The following ATRX variants were observed in gnomAD, a reference collection of about 807,000 sequenced individuals.
The protein encoded by ATRX is chromatin remodeler ATRX.
ATRX carries 12 observed loss-of-function variants against 172.6 expected under a neutral mutation model. That is an observed-to-expected ratio of 0.07 (90% CI 0.04 to 0.11). ATRX has a LOEUF of 0.11. Ranked by LOEUF, ATRX falls within the 10% of genes least tolerant of loss-of-function variation. The pLI, the probability that ATRX is intolerant of heterozygous loss-of-function variation, is 1.00. For missense variants in ATRX, 1,368 were observed against 1,767.4 expected (o/e 0.77, Z 4.05); for synonymous variants, 674 against 594.7 (o/e 1.13, Z -1.94).
At chrX:77,536,971 T>C (rs1187216473) in intron 30 of ATRX, among the ~76,000 whole-genome samples, 1 of 112,088 alleles carries the variant, frequency 8.9e-6, no homozygotes, top group Non-Finnish European at 1.9e-5. Context: ...TCTGCAACGA[T>C]GGAAATGTTC....
intron 30 of ATRX, among the ~76,000 whole-genome samples, chrX:77,529,481 G>A (rs1467509599): frequency 5.4e-5 from 6 of 111,309 alleles, no homozygotes; most frequent in Admixed American, 2.9e-4. Flanking sequence ...CCTGTAAGCC[G>A]GAAGAGATTA....
chrX:77,514,985 G>A (rs963307581), intron 34 of ATRX, among the ~76,000 whole-genome samples: 6 of 112,074 alleles, frequency 5.4e-5, no homozygotes, highest in Non-Finnish European at 9.4e-5. Flanking sequence ...AAACACACAC[G>A]TGGCCAACAA....
chrX:77,769,475 G>C (rs2076084157), intron 1 of ATRX, among the ~76,000 whole-genome samples: 1 of 110,269 alleles, frequency 9.1e-6, no homozygotes, highest in Non-Finnish European at 1.9e-5. Context: ...TTTTAGTAGA[G>C]ACAGGGTTTC....
chrX:77,660,696 G>T (rs1177250891), intron 12 of ATRX, among the ~76,000 whole-genome samples: 1 of 111,236 alleles, frequency 9.0e-6, no homozygotes, highest in Non-Finnish European at 1.9e-5. Flanking sequence ...CATATTAATT[G>T]TATATGTGTG....
chrX:77,611,648 G>C (rs2067156871), intron 22 of ATRX, among the ~76,000 whole-genome samples: 1 of 111,043 alleles, frequency 9.0e-6, no homozygotes, highest in Non-Finnish European at 1.9e-5. Context: ...CTTGAGCCCA[G>C]AAGTTCAAGA....
intron 24 of ATRX, 25 bp downstream of exon 24, chrX:77,599,707 T>C (rs368272486): frequency 7.5e-6 from 9 of 1,197,883 alleles, no homozygotes; most frequent in South Asian, 1.8e-5. Context: ...CAATACAGGA[T>C]GGCACGAAAA....
At chrX:77,599,940 T>C (rs1557086286) in intron 23 of ATRX, 120 bp from the exon 24 acceptor site, 2 of 582,850 alleles carry the variant, frequency 3.4e-6, no homozygotes, top group African/African-American at 2.3e-5. Context: ...TGAGGAACTA[T>C]TACAGATTTT....
chrX:77,551,562 G>A (rs1455924889), intron 30 of ATRX, among the ~76,000 whole-genome samples: 3 of 111,895 alleles, frequency 2.7e-5, no homozygotes, highest in Admixed American at 1.9e-4. Flanking sequence ...GCATGGGCAA[G>A]GACTTCATGT....
At chrX:77,580,082 G>A (rs1557073035) in intron 27 of ATRX, among the ~76,000 whole-genome samples, 2 of 111,676 alleles carry the variant, frequency 1.8e-5, no homozygotes, top group East Asian at 2.8e-4. Context: ...GAATTAGTGA[G>A]CCTGAAGATA....
chrX:77,552,570 C>T (rs192558701), intron 30 of ATRX, among the ~76,000 whole-genome samples: 1 of 110,020 alleles, frequency 9.1e-6, no homozygotes, highest in Admixed American at 9.7e-5. Context: ...ATGTAACAAA[C>T]CTGCACGTTG....
intron 1 of ATRX, among the ~76,000 whole-genome samples, chrX:77,747,912 T>C (rs1252820104): frequency 8.9e-6 from 1 of 112,111 alleles, no homozygotes; most frequent in Non-Finnish European, 1.9e-5. Context: ...AAGAATAACT[T>C]GGGAAAGCAA....
intron 1 of ATRX, among the ~76,000 whole-genome samples, chrX:77,752,540 T>C (rs1557188042): frequency 8.9e-6 from 1 of 112,370 alleles, no homozygotes; most frequent in African/African-American, 3.2e-5. Context: ...ATCCTTGTCT[T>C]GTGCTGGTTT....
chrX:77,724,289 A>G (rs781885389), intron 1 of ATRX, among the ~76,000 whole-genome samples: 8 of 110,318 alleles, frequency 7.3e-5, no homozygotes, highest in African/African-American at 2.6e-4. Context: ...ATAAATAAAT[A>G]AACAAATAAA....
intron 1 of ATRX, among the ~76,000 whole-genome samples, chrX:77,754,695 T>C (rs2075425044): frequency 8.9e-6 from 1 of 112,268 alleles, no homozygotes; most frequent in Non-Finnish European, 1.9e-5. Flanking sequence ...GTAGGGTTTC[T>C]GCCCAGATAT....
At chrX:77,722,500 A>T (rs1439634840) in intron 1 of ATRX, among the ~76,000 whole-genome samples, 2 of 111,985 alleles carry the variant, frequency 1.8e-5, no homozygotes, top group Non-Finnish European at 3.8e-5. Flanking sequence ...ACAAGAAAAA[A>T]GCAAACAACC....
chrX:77,640,984 G>C (rs1248750079), intron 15 of ATRX, among the ~76,000 whole-genome samples: 4 of 111,335 alleles, frequency 3.6e-5, no homozygotes, highest in African/African-American at 1.3e-4. Flanking sequence ...CGATTTCAGA[G>C]GAGGCACAGT....
intron 24 of ATRX, 51 bp downstream of exon 24, chrX:77,599,681 G>C (rs2148147178): frequency 8.4e-7 from 1 of 1,186,543 alleles, no homozygotes; most frequent in Non-Finnish European, 1.1e-6. Context: ...TCAGCAAGTA[G>C]GGGTTTTAAC....
At chrX:77,640,349 G>C (rs1385484890) in intron 15 of ATRX, among the ~76,000 whole-genome samples, 4 of 109,579 alleles carry the variant, frequency 3.7e-5, no homozygotes, top group African/African-American at 1.3e-4. Context: ...TTTAAAAAAT[G>C]ATAAATACAC....
chrX:77,528,167 C>T (rs2063458629), intron 30 of ATRX, among the ~76,000 whole-genome samples: 1 of 110,105 alleles, frequency 9.1e-6, no homozygotes, highest in Non-Finnish European at 1.9e-5. Flanking sequence ...CAAGGCACAG[C>T]GCAGCTGCCT....
Sources: allele counts gnomAD v4.1 joint callset (sites outside exome capture counted in the v4.1 genomes callset), GRCh38; gene constraint gnomAD v4.1.1; transcripts MANE v1.5; gene names NCBI Gene and HGNC (gene_info 2026-07-23, HGNC 2026-07-21).